The following PKHD1 variants were observed in gnomAD, a reference collection of about 807,000 sequenced individuals.
The protein encoded by PKHD1 is fibrocystin.
A neutral mutation model predicts 412.0 loss-of-function variants in PKHD1; 291 were observed. The observed-to-expected ratio is 0.71, with a 90% CI of 0.64 to 0.78. PKHD1 has a LOEUF of 0.78. Ranked by LOEUF, PKHD1 falls within the 30% of genes least tolerant of loss-of-function variation. The probability of loss-of-function intolerance (pLI) is 0.00; values close to 1 mark genes in which losing one functional copy is unlikely to be tolerated. For synonymous variants in PKHD1, 1,777 were observed against 1,821.5 expected, an observed-to-expected ratio of 0.98 and a Z score of 0.62; for missense variants, 4,825 against 4,950.7, an observed-to-expected ratio of 0.97 and a Z score of 0.76.
chr6:52,019,695 T>A (rs939536607), intron 33 of PKHD1, among the ~76,000 whole-genome samples: 2 of 152,202 alleles, frequency 1.3e-5, no homozygotes, highest in African/African-American at 4.8e-5. Context: ...TATGGAAAAG[T>A]TAAAGTTTCC....
At chr6:51,712,388 ACTTCC>A in intron 60 of PKHD1, among the ~76,000 whole-genome samples, 1 of 152,138 alleles carries the variant, frequency 6.6e-6, no homozygotes, top group South Asian at 2.1e-4. Context: ...AGAAATGAAG[ACTTCC>A]CTTTGTTTTT....
At chr6:51,797,674 T>C (rs1457377407) in intron 52 of PKHD1, among the ~76,000 whole-genome samples, 1 of 152,224 alleles carries the variant, frequency 6.6e-6, no homozygotes, top group Non-Finnish European at 1.5e-5. Flanking sequence ...TTCATTCCTT[T>C]ATTTTGAACC....
At chr6:51,663,506 T>C (rs1296036746) in intron 60 of PKHD1, among the ~76,000 whole-genome samples, 3 of 152,174 alleles carry the variant, frequency 2.0e-5, no homozygotes, top group African/African-American at 7.2e-5. Context: ...GCATCAGTGT[T>C]CTTAAGGGTT....
At chr6:51,747,716 C>T (rs1785393122) in intron 58 of PKHD1, 71 bp downstream of exon 58, 2 of 1,355,562 alleles carry the variant, frequency 1.5e-6, no homozygotes, top group East Asian at 4.6e-5. Context: ...GATAAAATTT[C>T]AGAATGCCAT....
intron 41 of PKHD1, among the ~76,000 whole-genome samples, chr6:51,904,408 C>G (rs975380923): frequency 1.3e-5 from 2 of 152,078 alleles, no homozygotes; most frequent in Non-Finnish European, 2.9e-5. Context: ...TCTGAAATGT[C>G]CTGTAGGAAC....
chr6:51,708,814 T>C (rs1370800215), intron 60 of PKHD1, among the ~76,000 whole-genome samples: 4 of 152,162 alleles, frequency 2.6e-5, no homozygotes, highest in Non-Finnish European at 5.9e-5. Context: ...ATAGGGCCAA[T>C]TTGCCCATGG....
At chr6:51,728,149 T>C (rs1440753186) in intron 60 of PKHD1, among the ~76,000 whole-genome samples, 1 of 152,158 alleles carries the variant, frequency 6.6e-6, no homozygotes, top group Non-Finnish European at 1.5e-5. Context: ...ATCCTGATAG[T>C]GACAAGGCAC....
At position 51,904,018 on chromosome 6, in the gene PKHD1, A is replaced by G. The variant is rs1781696867; in HGVS notation, c.6833T>C (p.Ile2278Thr). ...LVGTCTEMRYISWEAIHGRKD... is the reference protein window; with the variant it reads ...LVGTCTEMRYTSWEAIHGRKD... ...CCTTCCATGAATTGCCTCCCAGGAGATATATCTCATCTCCGTGCATGTCCC... is the reference window on the plus strand; with the variant it reads ...CCTTCCATGAATTGCCTCCCAGGAGGTATATCTCATCTCCGTGCATGTCCC... The change falls in exon 42 of 67, where the codon ATC becomes ACC. Residue 2278 changes from isoleucine to threonine, a missense_variant. Ile to Thr is a moderately conservative substitution (Grantham distance 89). Coordinates refer to ENST00000371117, the MANE Select transcript of PKHD1 (RefSeq NM_138694.4). The G allele has an allele frequency of 6.3e-7, 1 of 1,595,452 alleles. No individual in the cohort carries two copies. The highest frequency in any genetic ancestry group is 1.1e-5 in the South Asian group (1 of 90,728).
intron 64 of PKHD1, 30 bp from the exon 65 acceptor site, chr6:51,632,753 G>GAT (rs1768080732): frequency 6.3e-7 from 1 of 1,578,346 alleles, no homozygotes; most frequent in African/African-American, 1.4e-5. Context: ...ATGTTTCAAT[G>GAT]ATATGTTAAT....
chr6:51,888,748 T>C (rs1419621953), intron 43 of PKHD1, among the ~76,000 whole-genome samples: 1 of 151,278 alleles, frequency 6.6e-6, no homozygotes, highest in Non-Finnish European at 1.5e-5. Flanking sequence ...GGCTATTCTA[T>C]GAAAGTTTCT....
chr6:51,688,919 T>C (rs1006494243), intron 60 of PKHD1, among the ~76,000 whole-genome samples: 1 of 152,088 alleles, frequency 6.6e-6, no homozygotes, highest in African/African-American at 2.4e-5. Context: ...CTACCAGATG[T>C]ACAAAGAAAA....
At chr6:51,798,613 T>C (rs566232692) in intron 52 of PKHD1, among the ~76,000 whole-genome samples, 22 of 152,266 alleles carry the variant, frequency 1.4e-4, no homozygotes, top group African/African-American at 5.3e-4. Context: ...GGAATGATCT[T>C]CTCATGGAGT....
At chr6:51,691,806 A>T (rs1778189810) in intron 60 of PKHD1, among the ~76,000 whole-genome samples, 1 of 152,146 alleles carries the variant, frequency 6.6e-6, no homozygotes, top group Admixed American at 6.6e-5. Flanking sequence ...CTGAGCTTAA[A>T]AGTTTTAAAA....
chr6:52,060,195 G>C (rs1808467605), intron 14 of PKHD1, among the ~76,000 whole-genome samples, 153 bp from the exon 15 acceptor site: 1 of 152,188 alleles, frequency 6.6e-6, no homozygotes, highest in Non-Finnish European at 1.5e-5. Flanking sequence ...ATTCTAGAAA[G>C]AGATATAGCA....
At chr6:51,817,602 T>G (rs73740037) in intron 52 of PKHD1, among the ~76,000 whole-genome samples, 3,587 of 152,248 alleles carry the variant, frequency 0.024, 149 homozygotes, top group African/African-American at 0.082. Flanking sequence ...TTCCTGCTGA[T>G]CCAACACACG....
chr6:51,986,201 G>A lies in PKHD1; in HGVS notation c.5751+24108C>T, dbSNP rs137931707. On this transcript the variant is annotated intron_variant, in intron 35 of 66. Transcript: ENST00000371117. Reference sequence around the variant, plus strand: ...TAGAAATGCCATATTCAGACCTGTCGTGGAGAGGGACATAGCTGTTCTCTT... The same window carrying A: ...TAGAAATGCCATATTCAGACCTGTCATGGAGAGGGACATAGCTGTTCTCTT... Among the ~76,000 whole-genome samples, 340 of 152,274 alleles carry A rather than the reference G, an allele frequency of 2.2e-3. 1 individual carries two copies. Among genetic ancestry groups the A allele is most frequent in the African/African-American group, 7.8e-3 (323 of 41,540 alleles).
At chr6:51,743,597 C>T (rs1375982858) in intron 60 of PKHD1, among the ~76,000 whole-genome samples, 1 of 151,846 alleles carries the variant, frequency 6.6e-6, no homozygotes, top group Admixed American at 6.6e-5. Flanking sequence ...TCCTGGGGAG[C>T]AAAATTAGAG....
chr6:51,942,773 C>T (rs964343865), intron 36 of PKHD1, among the ~76,000 whole-genome samples: 1 of 151,674 alleles, frequency 6.6e-6, no homozygotes, highest in African/African-American at 2.4e-5. Flanking sequence ...ACTAGCCCGC[C>T]TCTTAGAACC....
intron 37 of PKHD1, among the ~76,000 whole-genome samples, chr6:51,921,451 T>C (rs1044459249): frequency 2.0e-5 from 3 of 152,196 alleles, no homozygotes; most frequent in Non-Finnish European, 2.9e-5. Context: ...TTCTCTGTAT[T>C]TCCTGAATTT....
Sources: allele counts gnomAD v4.1 joint callset (sites outside exome capture counted in the v4.1 genomes callset), GRCh38; gene constraint gnomAD v4.1.1; transcripts MANE v1.5; gene names NCBI Gene and HGNC (gene_info 2026-07-23, HGNC 2026-07-21).